ZDHHC3: variants seen among roughly 807,000 people sequenced by gnomAD.
ZDHHC3 encodes palmitoyltransferase ZDHHC3.
In ZDHHC3, 9 loss-of-function variants were observed where a neutral mutation model predicts 30.6. The ratio of observed to expected loss-of-function variants is 0.29; its 90% CI spans 0.18 to 0.51. The LOEUF (loss-of-function observed/expected upper bound fraction) is 0.51, where lower values mean the gene tolerates loss of function less well. ZDHHC3 is among the 20% of genes least tolerant of loss of function. The pLI is 0.97. For missense variants in ZDHHC3, 246 were observed against 384.2 expected, an observed-to-expected ratio of 0.64 and a Z score of 3.01; for synonymous variants, 136 against 140.2, an observed-to-expected ratio of 0.97 and a Z score of 0.21.
intron 1 of ZDHHC3, among the ~76,000 whole-genome samples, chr3:44,963,119 T>C (rs1236152466): frequency 6.6e-6 from 1 of 152,240 alleles, no homozygotes; most frequent in East Asian, 1.9e-4. Flanking sequence ...ATATTCTGCA[T>C]GGTGGAGAGT....
intron 2 of ZDHHC3, chr3:44,958,692 T>C (rs1022993924): frequency 4.6e-6 from 7 of 1,535,676 alleles, no homozygotes; most frequent in East Asian, 2.4e-5. Context: ...GTTCCTGGAA[T>C]TGGATGTGGC....
At position 44,923,853 on chromosome 3, in the gene ZDHHC3, A is replaced by C; in HGVS notation, c.*2836T>G. The C allele has an allele frequency of 1.0e-6, 1 of 985,416 alleles. No individual in the cohort carries two copies. The highest frequency in any genetic ancestry group is 1.2e-6 in the Non-Finnish European group (1 of 829,924). 61.0% of individuals were successfully genotyped at this position (985,416 alleles called of 1,614,324 possible). ...GAAGAAGACAAAATGGTGGGACTAA[A>C]AGGAGATTTAGCACATGCACTTCTA... On this transcript the variant is annotated 3_prime_UTR_variant, in exon 7 of 7. Coordinates refer to ENST00000424952, the MANE Select transcript of ZDHHC3 (RefSeq NM_001135179.2).
In ZDHHC3 at chr3:44,926,377, A is replaced by G. The variant is rs1484185886; in HGVS notation, c.*312T>C. 2 of 1,061,982 alleles carry G rather than the reference A, an allele frequency of 1.9e-6. No individual in the cohort carries two copies. Among genetic ancestry groups the G allele is most frequent in the African/African-American group, 3.3e-5 (2 of 60,024 alleles). 65.8% of individuals were successfully genotyped at this position (1,061,982 alleles called of 1,614,324 possible). On this transcript the variant is annotated 3_prime_UTR_variant, in exon 7 of 7. Transcript: ENST00000424952. ...CTCACTCAGTTAGTAGAATGGGCAC[A>G]GCGCGAGACAGCGCCCTCTACATTA...
chr3:44,959,451 A>G lies in ZDHHC3; in HGVS notation c.-15T>C, dbSNP rs777468742. ...ATAAGCATCATAAGCTATTCTGTCCATACTGGCATCTGAAAGAGAGAGGAA... is the reference window on the plus strand; with the variant it reads ...ATAAGCATCATAAGCTATTCTGTCCGTACTGGCATCTGAAAGAGAGAGGAA... On this transcript the variant is annotated 5_prime_UTR_variant, in exon 2 of 7. The change abolishes an upstream ATG in the 5' untranslated region. Transcript: ENST00000424952. This position sits in a 1 kb window ranked among gnomAD's most constrained non-coding sequence, Gnocchi z 4.3. 1.8e-5 allele frequency: 29 copies of G among 1,601,696 alleles called. No homozygotes were observed. The highest frequency in any genetic ancestry group is 2.5e-5 in the Non-Finnish European group (29 of 1,170,902).
At chr3:44,944,370 TC>T (rs1702727866) in intron 3 of ZDHHC3, among the ~76,000 whole-genome samples, 1 of 152,138 alleles carries the variant, frequency 6.6e-6, no homozygotes, top group Non-Finnish European at 1.5e-5. Flanking sequence ...GGTCTCGAAC[TC>T]CTGACCTCAG....
At chr3:44,962,493 A>AGG (rs1396925078) in intron 1 of ZDHHC3, among the ~76,000 whole-genome samples, 13 of 136,916 alleles carry the variant, frequency 9.5e-5, no homozygotes, top group Admixed American at 2.3e-4. Context: ...AGAAAGGGAG[A>AGG]GAGAAGGAAG....
In ZDHHC3 at chr3:44,976,127, C is replaced by T; in HGVS notation, c.-219G>A. ...CGCAGGAGAAGCCCATCGAGCTCTC[C>T]CGGCAGTGGCGGCGGCCGCGGCTGC... On this transcript the variant is annotated 5_prime_UTR_variant, in exon 1 of 7. Coordinates refer to ENST00000424952, the MANE Select transcript of ZDHHC3 (RefSeq NM_001135179.2). The T allele has an allele frequency of 1.8e-6, 1 of 552,112 alleles. No individual in the cohort carries two copies. The highest frequency in any genetic ancestry group is 3.6e-5 in the East Asian group (1 of 28,168). The allele number at this position is 552,112 out of a possible 1,614,324, so 34.2% of individuals were successfully genotyped here.
chr3:44,927,584 G>A (rs994086572), intron 6 of ZDHHC3, among the ~76,000 whole-genome samples: 1 of 152,156 alleles, frequency 6.6e-6, no homozygotes, highest in Non-Finnish European at 1.5e-5. Flanking sequence ...GGTCCTCCTA[G>A]TGGCTCCTTT....
At position 44,925,067 on chromosome 3, in the gene ZDHHC3, ACAGAG is replaced by A; in HGVS notation, c.*1617_*1621del. ...AAAATAAAGTATCCTCATTCAAGAGACAGAGCAATGAAACAAACACCCAACCAGAG... is the reference window on the plus strand; with the variant it reads ...AAAATAAAGTATCCTCATTCAAGAGACAATGAAACAAACACCCAACCAGAG... On this transcript the variant is annotated 3_prime_UTR_variant, in exon 7 of 7. Transcript: ENST00000424952. The A allele has an allele frequency of 1.0e-6, 1 of 985,908 alleles. No individual in the cohort carries two copies. The highest frequency in any genetic ancestry group is 1.2e-6 in the Non-Finnish European group (1 of 829,944). The allele number at this position is 985,908 out of a possible 1,614,324, so 61.1% of individuals were successfully genotyped here.
intron 1 of ZDHHC3, among the ~76,000 whole-genome samples, chr3:44,969,440 A>G (rs1469898137): frequency 6.6e-6 from 1 of 152,226 alleles, no homozygotes; most frequent in Non-Finnish European, 1.5e-5. Flanking sequence ...AAGCATGCCT[A>G]CAACCATACT....
intron 3 of ZDHHC3, among the ~76,000 whole-genome samples, chr3:44,941,294 C>T (rs1293594602): frequency 2.6e-5 from 4 of 152,142 alleles, no homozygotes; most frequent in African/African-American, 9.7e-5. Context: ...ATCCTGGCTC[C>T]AGCTCAGAAA....
At chr3:44,975,766 T>TCA (rs1163057741) in intron 1 of ZDHHC3, among the ~76,000 whole-genome samples, 167 bp downstream of exon 1, 1,875 of 144,208 alleles carry the variant, frequency 0.013, 37 homozygotes, top group African/African-American at 0.047. Flanking sequence ...TCTCTCTCTC[T>TCA]CTCTCTCACA....
chr3:44,925,672 G>A lies in ZDHHC3; in HGVS notation c.*1017C>T, dbSNP rs770427236. The A allele has an allele frequency of 1.0e-6, 1 of 985,344 alleles. No individual in the cohort carries two copies. The highest frequency in any genetic ancestry group is 1.7e-5 in the African/African-American group (1 of 57,240). 61.0% of individuals were successfully genotyped at this position (985,344 alleles called of 1,614,324 possible). On this transcript the variant is annotated 3_prime_UTR_variant, in exon 7 of 7. Transcript: ENST00000424952. Reference sequence around the variant, plus strand: ...CCATGCCAGGACAACAGTCTCCCAGGTTAAAATATAGATAAGACACAGGTA... The same window carrying A: ...CCATGCCAGGACAACAGTCTCCCAGATTAAAATATAGATAAGACACAGGTA...
chr3:44,975,980 C>T lies in ZDHHC3; in HGVS notation c.-72G>A, dbSNP rs949018602. The T allele has an allele frequency of 1.2e-5, 3 of 259,406 alleles. No homozygotes were observed. The highest frequency in any genetic ancestry group is 4.5e-5 in the African/African-American group (2 of 44,358). 16.1% of individuals were successfully genotyped at this position (259,406 alleles called of 1,614,324 possible). ...CAGTCCCAGACCCCGGTGGGGCTCC[C>T]GCCGCCGCCGCCGCTGCCTTCCCCT... On this transcript the variant is annotated 5_prime_UTR_variant, in exon 1 of 7. Coordinates refer to ENST00000424952, the MANE Select transcript of ZDHHC3 (RefSeq NM_001135179.2).
At position 44,922,666 on chromosome 3, in the gene ZDHHC3, A is replaced by G. The variant is rs1700681339; in HGVS notation, c.*4023T>C. ...TGAGGGGGGACTCCTGCTAGCCCCA[A>G]CTGGATTCTCAAACTTGATAGTCAG... On this transcript the variant is annotated 3_prime_UTR_variant, in exon 7 of 7. Transcript: ENST00000424952. 1.0e-6 allele frequency: 1 copy of G among 985,298 alleles called. No homozygotes were observed. Among genetic ancestry groups the G allele is most frequent in the Non-Finnish European group, 1.2e-6 (1 of 829,898 alleles). The allele number at this position is 985,298 out of a possible 1,614,324, so 61.0% of individuals were successfully genotyped here. A position where few individuals can be genotyped will look rare whatever the true frequency, so the allele number is the denominator to read the frequency against.
rs1324319751 is a variant in ZDHHC3 at position 44,925,552 on chromosome 3, C to CTTAG, written c.*1133_*1136dup. 1.0e-6 allele frequency: 1 copy of CTTAG among 985,360 alleles called. No individual in the cohort carries two copies. The highest frequency in any genetic ancestry group is 1.2e-6 in the Non-Finnish European group (1 of 829,960). 61.0% of individuals were successfully genotyped at this position (985,360 alleles called of 1,614,324 possible). A position where few individuals can be genotyped will look rare whatever the true frequency, so the allele number is the denominator to read the frequency against. On this transcript the variant is annotated 3_prime_UTR_variant, in exon 7 of 7. Transcript: ENST00000424952. ...ATCTATTCTGTCCCAGTGCCACAGG[C>CTTAG]TTAGGTGTGTCTGTGGATTCTGGCC... is the stretch of plus-strand genomic sequence containing the variant.
chr3:44,972,705 G>C (rs185251927), intron 1 of ZDHHC3, among the ~76,000 whole-genome samples: 6 of 152,120 alleles, frequency 3.9e-5, no homozygotes, highest in Non-Finnish European at 1.5e-5. Flanking sequence ...CGTCTCAATT[G>C]AGCACTTTAT....
intron 1 of ZDHHC3, among the ~76,000 whole-genome samples, chr3:44,968,586 C>A (rs2125929696): frequency 2.0e-5 from 3 of 152,260 alleles, no homozygotes; most frequent in Middle Eastern, 6.8e-3. Context: ...GTCCCAGCTA[C>A]TTGGGAAGCT....
intron 1 of ZDHHC3, among the ~76,000 whole-genome samples, chr3:44,965,775 C>T (rs1223248635): frequency 6.6e-6 from 1 of 152,224 alleles, no homozygotes; most frequent in Non-Finnish European, 1.5e-5. Flanking sequence ...CCCATCCTCT[C>T]AGATTGCCAA....
Sources: allele counts gnomAD v4.1 joint callset (sites outside exome capture counted in the v4.1 genomes callset), GRCh38; gene constraint gnomAD v4.1.1; non-coding constraint Gnocchi (gnomAD v3.1); transcripts MANE v1.5; gene names NCBI Gene and HGNC (gene_info 2026-07-23, HGNC 2026-07-21).